MAF: variants seen among roughly 807,000 people sequenced by gnomAD.
The protein encoded by MAF is MAF bZIP transcription factor.
In MAF, 10 loss-of-function variants were observed where a neutral mutation model predicts 22.0. The ratio of observed to expected loss-of-function variants is 0.45; its 90% CI spans 0.28 to 0.77. The LOEUF is 0.77. Among genes scored for constraint, MAF ranks in the 30% least tolerant of loss-of-function variants. MAF has a pLI of 0.12. For missense variants in MAF, 544 were observed against 548.4 expected (o/e 0.99, Z 0.08); for synonymous variants, 337 against 255.8 (o/e 1.32, Z -3.03).
At chr16:79,494,901 CA>C in the MAF span, among the ~76,000 whole-genome samples, 3 of 152,092 alleles carry the variant, frequency 2.0e-5, no homozygotes, top group Non-Finnish European at 2.9e-5. Flanking sequence ...GGGTGCCTCA[CA>C]AAAAGTCAGA....
the MAF span, among the ~76,000 whole-genome samples, chr16:79,325,747 A>T: frequency 4.3e-3 from 659 of 152,372 alleles, 4 homozygotes; most frequent in Non-Finnish European, 4.5e-3. Context: ...GGAAGGCAGG[A>T]AGACCCAGTT....
chr16:79,219,098 T>A, the MAF span, among the ~76,000 whole-genome samples: 3,693 of 152,312 alleles, frequency 0.024, 52 homozygotes, highest in Non-Finnish European at 0.038. Context: ...CCCTGCTGCA[T>A]CTTAGGCGTG....
the MAF span, among the ~76,000 whole-genome samples, chr16:79,240,886 G>A: frequency 1.3e-5 from 2 of 152,004 alleles, no homozygotes; most frequent in Non-Finnish European, 2.9e-5. Context: ...GCCTCCATTG[G>A]TGATACCCAG....
At chr16:79,322,000 G>T in the MAF span, among the ~76,000 whole-genome samples, 5 of 152,298 alleles carry the variant, frequency 3.3e-5, no homozygotes, top group East Asian at 9.7e-4. Flanking sequence ...GGGAGGCTGA[G>T]GCAGGCAGAT....
chr16:79,338,749 T>G, the MAF span, among the ~76,000 whole-genome samples: 1 of 152,134 alleles, frequency 6.6e-6, no homozygotes, highest in Non-Finnish European at 1.5e-5. Flanking sequence ...CTTGGCTCCT[T>G]GCTAAGGACA....
the MAF span, among the ~76,000 whole-genome samples, chr16:79,538,871 AAAAGAAAG>A: frequency 0.42 from 44,022 of 103,702 alleles, 7,964 homozygotes; most frequent in Non-Finnish European, 0.52. Context: ...AAAAGAAAAG[AAAAGAAAG>A]AAAGAAAGAA....
chr16:79,304,541 A>T, the MAF span, among the ~76,000 whole-genome samples: 19 of 152,176 alleles, frequency 1.2e-4, no homozygotes, highest in African/African-American at 4.1e-4. Flanking sequence ...TACCAGAACT[A>T]GCCCTTTTGA....
chr16:79,477,294 G>A, the MAF span, among the ~76,000 whole-genome samples: 9 of 152,162 alleles, frequency 5.9e-5, no homozygotes, highest in Non-Finnish European at 1.2e-4. Flanking sequence ...GCAGGACCCT[G>A]GAGCATGGGT....
chr16:79,315,203 G>C, the MAF span, among the ~76,000 whole-genome samples: 2 of 152,168 alleles, frequency 1.3e-5, no homozygotes, highest in African/African-American at 4.8e-5. Context: ...CCCTTGTGGA[G>C]TTTACATTCT....
chr16:79,391,663 C>T, the MAF span, among the ~76,000 whole-genome samples: 28 of 152,140 alleles, frequency 1.8e-4, no homozygotes, highest in South Asian at 2.3e-3. Flanking sequence ...CACGCTGAAA[C>T]GTAGGTGGGC....
At chr16:79,207,145 A>AC in the MAF span, among the ~76,000 whole-genome samples, 2 of 151,956 alleles carry the variant, frequency 1.3e-5, no homozygotes, top group Non-Finnish European at 1.5e-5. Flanking sequence ...ATGAGGGCTC[A>AC]CCCCCTCATC....
the MAF span, among the ~76,000 whole-genome samples, chr16:79,551,218 G>C: frequency 6.6e-6 from 1 of 152,020 alleles, no homozygotes; most frequent in Non-Finnish European, 1.5e-5. Context: ...ATTCCCTAAG[G>C]AGTCAGACTC....
the MAF span, among the ~76,000 whole-genome samples, chr16:79,349,829 T>G: frequency 6.6e-6 from 1 of 152,238 alleles, no homozygotes; most frequent in Non-Finnish European, 1.5e-5. Context: ...AAAGGCCCTT[T>G]GCAATCTGCC....
chr16:79,398,241 T>A, the MAF span, among the ~76,000 whole-genome samples: 1 of 152,174 alleles, frequency 6.6e-6, no homozygotes, highest in Non-Finnish European at 1.5e-5. Context: ...TAAGGACCTT[T>A]GTGATTACGC....
the MAF span, among the ~76,000 whole-genome samples, chr16:79,454,795 C>T: frequency 2.0e-5 from 3 of 149,546 alleles, no homozygotes; most frequent in South Asian, 6.3e-4. Flanking sequence ...CCATTTTTAC[C>T]CCATAGCTGT....
the MAF span, among the ~76,000 whole-genome samples, chr16:79,213,397 T>C: frequency 3.0e-3 from 462 of 152,332 alleles, 4 homozygotes; most frequent in Admixed American, 0.024. Flanking sequence ...CACAGGACCT[T>C]TGAAACTATG....
the MAF span, among the ~76,000 whole-genome samples, chr16:79,255,981 T>C: frequency 1.1e-4 from 14 of 125,518 alleles, no homozygotes; most frequent in African/African-American, 1.7e-4. Flanking sequence ...TCTTTTCTTT[T>C]CTTTTTTTTT....
chr16:79,410,111 C>T, the MAF span, among the ~76,000 whole-genome samples: 1 of 152,178 alleles, frequency 6.6e-6, no homozygotes, highest in African/African-American at 2.4e-5. Flanking sequence ...ACCACTCATA[C>T]ACTGCTGAGT....
At chr16:79,216,825 T>C in the MAF span, among the ~76,000 whole-genome samples, 1 of 151,854 alleles carries the variant, frequency 6.6e-6, no homozygotes, top group Non-Finnish European at 1.5e-5. Flanking sequence ...TTTTTTTTTT[T>C]TTGAGATGGA....
Sources: gnomAD v4.1 joint callset for allele counts (sites outside exome capture counted in the v4.1 genomes callset) on GRCh38, gnomAD v4.1.1 for gene constraint, MANE v1.5 for transcripts, NCBI Gene and HGNC (gene_info 2026-07-23, HGNC 2026-07-21) for gene names.